The following SLC22A15 variants were observed in gnomAD, a reference collection of about 807,000 sequenced individuals.
SLC22A15 encodes flipt 1.
Under a neutral mutation model 62.7 loss-of-function variants are expected in SLC22A15, and 45 were observed. That is an observed-to-expected ratio of 0.72 (90% CI 0.56 to 0.92). The LOEUF is 0.92. Among genes scored for constraint, SLC22A15 ranks in the 40% least tolerant of loss-of-function variants. The pLI is 0.00. For missense variants in SLC22A15, 622 were observed against 665.6 expected (o/e 0.93, Z 0.72); for synonymous variants, 264 against 267.0 (o/e 0.99, Z 0.11).
At chr1:116,029,360 G>A (rs12562912) in intron 5 of SLC22A15, among the ~76,000 whole-genome samples, 14,169 of 152,170 alleles carry the variant, frequency 0.093, 791 homozygotes, top group African/African-American at 0.15. Context: ...GCGGTTTTGA[G>A]TTGGGCAACA....
rs948446220 is a variant in SLC22A15 at position 116,048,983 on chromosome 1, A to C, written c.1171+11595A>C. ...ATCAGACAAAACAAACTAAAGCAAC[A>C]GTGGTTAAAAGAGACAAAGAGGGAC... On this transcript the variant is annotated intron_variant, in intron 8 of 11. Coordinates refer to ENST00000369503, the MANE Select transcript of SLC22A15 (RefSeq NM_018420.3). 3.3e-5 allele frequency among the ~76,000 whole-genome samples: 5 copies of C among 152,354 alleles called. No individual in the cohort carries two copies. In the Middle Eastern group the frequency reaches 0.014, roughly 415 times the overall value.
intron 2 of SLC22A15, among the ~76,000 whole-genome samples, chr1:115,997,532 TA>T (rs1318358340): frequency 6.6e-6 from 1 of 152,158 alleles, no homozygotes; most frequent in Non-Finnish European, 1.5e-5. Context: ...TAGCGAGGTT[TA>T]TTTTTTAGTA....
intron 8 of SLC22A15, among the ~76,000 whole-genome samples, chr1:116,037,873 G>A (rs1657675362): frequency 6.6e-6 from 1 of 152,132 alleles, no homozygotes; most frequent in African/African-American, 2.4e-5. Context: ...TGGTGACAAT[G>A]GATAGTCTCT....
At position 116,018,115 on chromosome 1, in the gene SLC22A15, G is replaced by T. The variant is rs560649192; in HGVS notation, c.301-1467G>T. Reference sequence around the variant, plus strand: ...TACCATTGCCACTATTCATCTCCAGGACGCTTTCAACATTCCAAACTGAAA... The same window carrying T: ...TACCATTGCCACTATTCATCTCCAGTACGCTTTCAACATTCCAAACTGAAA... On this transcript the variant is annotated intron_variant, in intron 2 of 11. Transcript: ENST00000369503. 3.9e-5 allele frequency among the ~76,000 whole-genome samples: 6 copies of T among 152,198 alleles called. No homozygotes were observed. The South Asian group carries it at 1.2e-3, about 32-fold the overall frequency.
At chr1:116,001,564 C>T (rs1213335410) in intron 2 of SLC22A15, among the ~76,000 whole-genome samples, 1 of 151,764 alleles carries the variant, frequency 6.6e-6, no homozygotes, top group Admixed American at 6.6e-5. Flanking sequence ...TTTCAATAGC[C>T]TGTCTTTAAG....
chr1:116,062,957 G>T, intron 9 of SLC22A15, 75 bp downstream of exon 9: 1 of 1,560,904 alleles, frequency 6.4e-7, no homozygotes, highest in Non-Finnish European at 8.7e-7. Context: ...CAGAGGTGTG[G>T]TACTCATTTC....
At chr1:115,977,749 T>C (rs577887225) in intron 1 of SLC22A15, among the ~76,000 whole-genome samples, 2 of 152,344 alleles carry the variant, frequency 1.3e-5, no homozygotes, top group Admixed American at 1.3e-4. Flanking sequence ...ATGATAGTTA[T>C]TCTGCAGGAA....
intron 8 of SLC22A15, among the ~76,000 whole-genome samples, chr1:116,046,052 A>G (rs1339151345): frequency 6.6e-6 from 1 of 152,202 alleles, no homozygotes; most frequent in Non-Finnish European, 1.5e-5. Context: ...TCCATATACA[A>G]AAAATATAAC....
At chr1:115,992,747 G>A (rs769585845) in intron 2 of SLC22A15, among the ~76,000 whole-genome samples, 11 of 150,400 alleles carry the variant, frequency 7.3e-5, no homozygotes, top group Non-Finnish European at 1.2e-4. Context: ...TCAGCCTCCC[G>A]AGTAGCTGAG....
chr1:115,985,584 G>GA (rs1557870029), intron 1 of SLC22A15, among the ~76,000 whole-genome samples: 1 of 148,368 alleles, frequency 6.7e-6, no homozygotes, highest in African/African-American at 2.5e-5. Context: ...TTACAATTTT[G>GA]TTTTTTTTTT....
chr1:116,016,655 G>A (rs1656546181), intron 2 of SLC22A15, among the ~76,000 whole-genome samples: 1 of 152,094 alleles, frequency 6.6e-6, no homozygotes, highest in Non-Finnish European at 1.5e-5. Context: ...CAGAACTCTT[G>A]AATTCCCACC....
At chr1:116,034,642 A>T (rs1657565072) in intron 6 of SLC22A15, among the ~76,000 whole-genome samples, 1 of 152,150 alleles carries the variant, frequency 6.6e-6, no homozygotes, top group African/African-American at 2.4e-5. Context: ...ATGGGGTTAA[A>T]ACCTGCAATG....
intron 2 of SLC22A15, among the ~76,000 whole-genome samples, chr1:116,001,262 C>A (rs1655715695): frequency 6.6e-6 from 1 of 151,574 alleles, no homozygotes; most frequent in Non-Finnish European, 1.5e-5. Flanking sequence ...AGAACCATTT[C>A]TTTATCCTTG....
intron 8 of SLC22A15, among the ~76,000 whole-genome samples, chr1:116,052,645 G>T (rs1014928122): frequency 9.2e-5 from 14 of 152,188 alleles, no homozygotes; most frequent in Non-Finnish European, 1.6e-4. Context: ...AGCCTAACTG[G>T]GAGGCACCTC....
rs142144707 is a variant in SLC22A15, at chr1:116,038,368, C to G, written c.1171+980C>G. ...GTAAATTGCTTCTTGTGGTTCATTT[C>G]TGCGTGTCTCATTAAAGACCCCAAG... On this transcript the variant is annotated intron_variant, in intron 8 of 11. Coordinates refer to ENST00000369503, the MANE Select transcript of SLC22A15 (RefSeq NM_018420.3). 3.4e-3 allele frequency among the ~76,000 whole-genome samples: 523 copies of G among 152,298 alleles called. 1 individual carries two copies. The highest frequency in any genetic ancestry group is 6.2e-3 in the Non-Finnish European group (422 of 68,028).
rs916778410 is a variant in SLC22A15, at chr1:116,026,744, GA to G, written c.599-148del. On this transcript the variant is annotated intron_variant, in intron 4 of 11. Coordinates refer to ENST00000369503, the MANE Select transcript of SLC22A15 (RefSeq NM_018420.3). Reference sequence around the variant, plus strand: ...ATTCTCTGATGTTCAACTTAGTGTAGATTTTTTTTTCTTTTCTGGTGTGCCT... The same window carrying G: ...ATTCTCTGATGTTCAACTTAGTGTAGTTTTTTTTTCTTTTCTGGTGTGCCT... The G allele has an allele frequency of 1.2e-5, 10 of 830,362 alleles. No homozygotes were observed. In the African/African-American group the frequency reaches 1.7e-4, roughly 14 times the overall value. The allele number at this position is 830,362 out of a possible 1,614,324, so 51.4% of individuals were successfully genotyped here.
intron 3 of SLC22A15, among the ~76,000 whole-genome samples, chr1:116,020,260 A>AC (rs1553221719): frequency 5.0e-4 from 76 of 151,686 alleles, no homozygotes; most frequent in African/African-American, 1.5e-3. Flanking sequence ...AAAAAAAAAA[A>AC]ACACACAGCT....
intron 8 of SLC22A15, among the ~76,000 whole-genome samples, chr1:116,043,229 G>C (rs1021264473): frequency 2.0e-5 from 3 of 152,170 alleles, no homozygotes; most frequent in Non-Finnish European, 4.4e-5. Flanking sequence ...TTCAAGATCA[G>C]CCTGGCCAAC....
intron 8 of SLC22A15, among the ~76,000 whole-genome samples, chr1:116,056,272 A>G (rs1456271243): frequency 6.7e-6 from 1 of 148,932 alleles, no homozygotes; most frequent in Non-Finnish European, 1.5e-5. Flanking sequence ...ACAGACAATC[A>G]GAGAGCCAAA....
Sources: allele counts gnomAD v4.1 joint callset (sites outside exome capture counted in the v4.1 genomes callset), GRCh38; gene constraint gnomAD v4.1.1; transcripts MANE v1.5; gene names NCBI Gene and HGNC (gene_info 2026-07-23, HGNC 2026-07-21).